PCDHGB3: variants seen among roughly 807,000 people sequenced by gnomAD.
The protein encoded by PCDHGB3 is protocadherin gamma-B3.
Under a neutral mutation model 59.2 loss-of-function variants are expected in PCDHGB3, and 40 were observed. The ratio of observed to expected loss-of-function variants is 0.68; its 90% confidence interval spans 0.52 to 0.88. The LOEUF is 0.88. Ranked by LOEUF, PCDHGB3 falls within the 40% of genes least tolerant of loss-of-function variation. The probability of loss-of-function intolerance (pLI) is 0.00; values close to 1 mark genes in which losing one functional copy is unlikely to be tolerated. For missense variants in PCDHGB3, 1,309 were observed against 1,187.9 expected, an observed-to-expected ratio of 1.10 and a Z score of -1.50; for synonymous variants, 581 against 503.6, an observed-to-expected ratio of 1.15 and a Z score of -2.06.
chr5:141,410,462 CTG>C (rs1258642453), intron 1 of PCDHGB3: 1 of 1,613,924 alleles, frequency 6.2e-7, no homozygotes, highest in East Asian at 2.2e-5. Context: ...TTCTTATAAT[CTG>C]TGCATTGCAC....
chr5:141,427,871 G>A (rs762885351), intron 1 of PCDHGB3: 1 of 1,559,530 alleles, frequency 6.4e-7, no homozygotes, highest in South Asian at 1.1e-5. Flanking sequence ...TCGAGCTCAC[G>A]ATGCAGGCCC....
chr5:141,479,574 T>A (rs1291334449), intron 1 of PCDHGB3: 1 of 152,228 alleles, frequency 6.6e-6, no homozygotes, highest in South Asian at 2.1e-4. Context: ...GGATGACATC[T>A]GTGAATAGCC....
intron 1 of PCDHGB3, chr5:141,395,467 C>T (rs2093236177): frequency 1.8e-6 from 1 of 566,628 alleles, no homozygotes; most frequent in Non-Finnish European, 3.0e-6. Context: ...TTTAAGCCTT[C>T]CAGTATTTTA....
intron 1 of PCDHGB3, chr5:141,376,535 G>A (rs1194313716): frequency 6.2e-7 from 1 of 1,613,586 alleles, no homozygotes; most frequent in South Asian, 1.1e-5. Context: ...TAAGCGGGAA[G>A]AGTAATCTGA....
chr5:141,379,137 C>A (rs1322597414), intron 1 of PCDHGB3: 2 of 152,216 alleles, frequency 1.3e-5, no homozygotes, highest in African/African-American at 2.4e-5. Context: ...AAATGAGAAC[C>A]TCCTTTGTAA....
chr5:141,404,680 G>C, intron 1 of PCDHGB3: 1 of 1,614,160 alleles, frequency 6.2e-7, no homozygotes, highest in East Asian at 2.2e-5. Context: ...CTGGTGTGGA[G>C]CTGGCACCCC....
At position 141,489,437 on chromosome 5, in the gene PCDHGB3, T is replaced by C; in HGVS notation, c.2416-5370T>C. The C allele has an allele frequency of 6.2e-7, 1 of 1,614,110 alleles. No individual in the cohort carries two copies. Among genetic ancestry groups the C allele is most frequent in the Non-Finnish European group, 8.5e-7 (1 of 1,180,020 alleles). ...GATCTGTTGAGCCGGCGGCTGCAATTGGGCTCTGAGGAGAATGGGCGCTAT... is the reference window on the plus strand; with the variant it reads ...GATCTGTTGAGCCGGCGGCTGCAATCGGGCTCTGAGGAGAATGGGCGCTAT... On this transcript the variant is annotated intron_variant, in intron 1 of 3. Transcript: ENST00000576222. This position sits in a 1 kb window ranked among gnomAD's most constrained non-coding sequence, Gnocchi z 4.5.
intron 1 of PCDHGB3, chr5:141,410,134 C>T: frequency 6.2e-7 from 1 of 1,612,766 alleles, no homozygotes; most frequent in East Asian, 2.2e-5. Flanking sequence ...GCCTGCTGGT[C>T]GCTGTGCGTG....
intron 1 of PCDHGB3, chr5:141,409,208 G>A: frequency 6.2e-7 from 1 of 1,613,984 alleles, no homozygotes; most frequent in South Asian, 1.1e-5. Context: ...AGTAATCATA[G>A]AAATCCTTGA....
At position 141,474,199 on chromosome 5, in the gene PCDHGB3, G is replaced by C. The variant is rs74540928; in HGVS notation, c.2416-20608G>C. Reference sequence around the variant, plus strand: ...AAAACTACTTACATTTTTAAAAGCTGATTTTCAAAAACCAGATTGTGAATT... The same window carrying C: ...AAAACTACTTACATTTTTAAAAGCTCATTTTCAAAAACCAGATTGTGAATT... On this transcript the variant is annotated intron_variant, in intron 1 of 3. Transcript: ENST00000576222. Among the ~76,000 whole-genome samples, 85 of 152,308 alleles carry C rather than the reference G, an allele frequency of 5.6e-4. 1 individual carries two copies. In the East Asian group the frequency reaches 0.016, roughly 29 times the overall value.
rs1768466663 is a variant in PCDHGB3 at position 141,372,177 on chromosome 5, G to T, written c.1783G>T (p.Asp595Tyr). The T allele has an allele frequency of 6.2e-7, 1 of 1,613,730 alleles. No homozygotes were observed. The highest frequency in any genetic ancestry group is 1.3e-5 in the African/African-American group (1 of 75,060). ...GYLVTKVVAVDADSGYNAWLS... is the reference protein window; with the variant it reads ...GYLVTKVVAVYADSGYNAWLS... ...CCTGGTGACCAAGGTGGTGGCGGTG[G>T]ACGCAGACTCGGGATACAACGCCTG... Residue 595 changes from aspartate (D) to tyrosine (Y), a missense_variant, in exon 1 of 4, where the codon GAC (aspartate) becomes TAC (tyrosine). Physicochemically the swap from Asp to Tyr is radical, Grantham distance 160 (BLOSUM62 -3). Coordinates refer to ENST00000576222, the MANE Select transcript of PCDHGB3 (RefSeq NM_018924.5).
chr5:141,434,480 C>T (rs777049751), intron 1 of PCDHGB3, among the ~76,000 whole-genome samples: 6 of 152,194 alleles, frequency 3.9e-5, no homozygotes, highest in Non-Finnish European at 5.9e-5. Context: ...GGGCAAGGAA[C>T]ACCTGGCCCG....
At chr5:141,479,063 A>G (rs1476826751) in intron 1 of PCDHGB3, among the ~76,000 whole-genome samples, 1 of 152,204 alleles carries the variant, frequency 6.6e-6, no homozygotes, top group African/African-American at 2.4e-5. Context: ...ATAATTTTTT[A>G]TGAATGAAAT....
chr5:141,466,989 G>C, intron 1 of PCDHGB3, among the ~76,000 whole-genome samples: 1 of 150,922 alleles, frequency 6.6e-6, no homozygotes. Context: ...TTTACCTTTT[G>C]GCATTTTTTT....
intron 1 of PCDHGB3, chr5:141,385,035 G>C: frequency 6.2e-7 from 1 of 1,614,164 alleles, no homozygotes; most frequent in East Asian, 2.2e-5. Context: ...TCGTACTGCT[G>C]GCGCTCAGGC....
At chr5:141,374,003 C>T (rs1160076904) in intron 1 of PCDHGB3, 2 of 1,320,324 alleles carry the variant, frequency 1.5e-6, no homozygotes, top group African/African-American at 3.0e-5. Flanking sequence ...GGACCTTCAC[C>T]GCTATTTCTG....
At chr5:141,394,159 C>T in intron 1 of PCDHGB3, 1 of 1,613,916 alleles carries the variant, frequency 6.2e-7, no homozygotes, top group Non-Finnish European at 8.5e-7. Context: ...AACGACAACC[C>T]TCCTACTTTC....
Position 141,372,154 on chromosome 5 carries a change from T to A in PCDHGB3, c.1760T>A (p.Leu587Gln). 6.2e-7 allele frequency: 1 copy of A among 1,613,784 alleles called. No individual in the cohort carries two copies. Among genetic ancestry groups the A allele is most frequent in the East Asian group, 2.2e-5 (1 of 44,872 alleles). The change falls in exon 1 of 4, where the codon CTG becomes CAG. Residue 587 changes from leucine (L) to glutamine (Q), a missense_variant. By Grantham distance (113) the Leu-to-Gln change is moderately radical. Transcript: ENST00000576222. ...MVPRSAEPGY[L>Q]VTKVVAVDAD... ...CCGCGCTCTGCAGAGCCTGGCTACC[T>A]GGTGACCAAGGTGGTGGCGGTGGAC...
chr5:141,457,649 A>C (rs1303184316), intron 1 of PCDHGB3, among the ~76,000 whole-genome samples: 1 of 152,282 alleles, frequency 6.6e-6, no homozygotes, highest in Non-Finnish European at 1.5e-5. Context: ...TATTTGCATG[A>C]AGTGCAGCAA....
Sources: gnomAD v4.1 joint callset for allele counts (sites outside exome capture counted in the v4.1 genomes callset) on GRCh38, gnomAD v4.1.1 for gene constraint, Gnocchi (gnomAD v3.1) non-coding constraint, MANE v1.5 for transcripts, NCBI Gene and HGNC (gene_info 2026-07-23, HGNC 2026-07-21) for gene names.